Variants in TRAPPC9 observed in about 807,000 individuals in gnomAD.
TRAPPC9 encodes trafficking protein particle complex subunit 9.
TRAPPC9 carries 83 observed loss-of-function variants against 124.0 expected under a neutral mutation model. That is an observed-to-expected ratio of 0.67 (90% CI 0.56 to 0.80). TRAPPC9 has a LOEUF of 0.80. Among genes scored for constraint, TRAPPC9 ranks in the 30% least tolerant of loss-of-function variants. The pLI, the probability that TRAPPC9 is intolerant of heterozygous loss-of-function variation, is 0.00. For synonymous variants in TRAPPC9, 638 were observed against 617.5 expected, an observed-to-expected ratio of 1.03 and a Z score of -0.49; for missense variants, 1,302 against 1,508.3, an observed-to-expected ratio of 0.86 and a Z score of 2.27.
intron 16 of TRAPPC9, among the ~76,000 whole-genome samples, chr8:140,224,422 A>G (rs2063401285): frequency 6.6e-6 from 1 of 152,238 alleles, no homozygotes; most frequent in Non-Finnish European, 1.5e-5. Context: ...GAGTTCACCA[A>G]GAGAATCTGA....
chr8:139,999,260 T>C (rs889854039), intron 18 of TRAPPC9, among the ~76,000 whole-genome samples: 2 of 151,836 alleles, frequency 1.3e-5, no homozygotes, highest in African/African-American at 2.4e-5. Context: ...GGTATAGATA[T>C]GTTAAAAGTA....
At chr8:140,278,119 T>C (rs1411980968) in intron 14 of TRAPPC9, among the ~76,000 whole-genome samples, 1 of 152,000 alleles carries the variant, frequency 6.6e-6, no homozygotes, top group Non-Finnish European at 1.5e-5. Context: ...AATTTTTTTT[T>C]TTTTGAGATA....
chr8:140,457,884 G>C, upstream of TRAPPC9: 1 of 715,500 alleles, frequency 1.4e-6, no homozygotes, highest in Non-Finnish European at 1.9e-6. Context: ...GCGAGGGAGA[G>C]AAGAGGGGAC....
intron 16 of TRAPPC9, among the ~76,000 whole-genome samples, chr8:140,245,029 C>T (rs1363431936): frequency 1.3e-5 from 2 of 151,982 alleles, no homozygotes; most frequent in Admixed American, 6.6e-5. Context: ...TGGTCTCGAT[C>T]TCCTGACCCC....
At chr8:140,362,179 T>G (rs1018496412) in intron 8 of TRAPPC9, among the ~76,000 whole-genome samples, 2 of 152,220 alleles carry the variant, frequency 1.3e-5, no homozygotes, top group African/African-American at 4.8e-5. Context: ...GTTTATGTCT[T>G]ATCCATTCAA....
intron 17 of TRAPPC9, among the ~76,000 whole-genome samples, chr8:140,172,241 A>G (rs1305172591): frequency 6.6e-6 from 1 of 152,044 alleles, no homozygotes; most frequent in Non-Finnish European, 1.5e-5. Context: ...CACAGGGAGG[A>G]CTCCCCAGAG....
At chr8:139,806,339 T>C (rs749735862) in intron 21 of TRAPPC9, 2 of 152,354 alleles carry the variant, frequency 1.3e-5, no homozygotes, top group Non-Finnish European at 2.9e-5. Flanking sequence ...GGTATGTGGG[T>C]CCCGGCTGGT....
At chr8:140,107,031 G>A (rs1222521797) in intron 17 of TRAPPC9, among the ~76,000 whole-genome samples, 1 of 152,216 alleles carries the variant, frequency 6.6e-6, no homozygotes, top group Non-Finnish European at 1.5e-5. Flanking sequence ...CAGACATAGA[G>A]AGGAGATTTT....
At chr8:140,303,591 G>C in intron 10 of TRAPPC9, among the ~76,000 whole-genome samples, 1 of 152,212 alleles carries the variant, frequency 6.6e-6, no homozygotes, top group Non-Finnish European at 1.5e-5. Context: ...ATGAGATCAC[G>C]CTTGGCCACT....
chr8:140,108,566 C>A (rs1479605491), intron 17 of TRAPPC9, among the ~76,000 whole-genome samples: 1 of 152,226 alleles, frequency 6.6e-6, no homozygotes, highest in Non-Finnish European at 1.5e-5. Flanking sequence ...CCTACCCTCA[C>A]AGGCCTCCCA....
intron 2 of TRAPPC9, among the ~76,000 whole-genome samples, chr8:140,446,676 C>G (rs1164539087): frequency 6.6e-6 from 1 of 152,154 alleles, no homozygotes; most frequent in Non-Finnish European, 1.5e-5. Flanking sequence ...GCCTCAGCCT[C>G]TCAAGTAAGC....
intron 17 of TRAPPC9, chr8:140,096,427 G>A (rs1844951427): frequency 6.6e-6 from 1 of 152,238 alleles, no homozygotes; most frequent in African/African-American, 2.4e-5. Flanking sequence ...AGACAGAAAA[G>A]CTGGAAACAT....
At chr8:140,239,595 C>G (rs1276643709) in intron 16 of TRAPPC9, among the ~76,000 whole-genome samples, 1 of 152,168 alleles carries the variant, frequency 6.6e-6, no homozygotes, top group African/African-American at 2.4e-5. Context: ...CCGCATCCAC[C>G]TCCTCACGGC....
chr8:140,119,500 G>A (rs1327483005), intron 17 of TRAPPC9, among the ~76,000 whole-genome samples: 2 of 152,142 alleles, frequency 1.3e-5, no homozygotes, highest in Non-Finnish European at 2.9e-5. Flanking sequence ...TGGCTGTAAA[G>A]TGCTTTCTTC....
intron 21 of TRAPPC9, among the ~76,000 whole-genome samples, chr8:139,846,737 C>T (rs933658504): frequency 6.6e-6 from 1 of 152,180 alleles, no homozygotes; most frequent in East Asian, 1.9e-4. Context: ...ATGGAGGAGG[C>T]CCATTCCCAT....
At chr8:140,328,575 G>A (rs1055443538) in intron 9 of TRAPPC9, among the ~76,000 whole-genome samples, 16 of 152,234 alleles carry the variant, frequency 1.1e-4, no homozygotes, top group African/African-American at 3.9e-4. Context: ...TGGACTTTGG[G>A]GACTCAGGGG....
At chr8:140,356,179 T>C (rs1422886886) in intron 9 of TRAPPC9, among the ~76,000 whole-genome samples, 1 of 152,116 alleles carries the variant, frequency 6.6e-6, no homozygotes, top group Non-Finnish European at 1.5e-5. Flanking sequence ...CAACAATACA[T>C]GAATGCTATT....
At chr8:140,143,739 T>C (rs1056710112) in intron 17 of TRAPPC9, among the ~76,000 whole-genome samples, 5 of 152,240 alleles carry the variant, frequency 3.3e-5, no homozygotes, top group Non-Finnish European at 7.3e-5. Flanking sequence ...TCAAATTTTT[T>C]CATATGCATA....
In TRAPPC9 at chr8:139,776,145, G is replaced by C. The variant is rs1033891769; in HGVS notation, c.3056-43943C>G. On this transcript the variant is annotated intron_variant, in intron 21 of 22. Coordinates refer to ENST00000438773, the MANE Select transcript of TRAPPC9 (RefSeq NM_001160372.4). This position sits in a 1 kb window ranked among gnomAD's most constrained non-coding sequence, Gnocchi z 4.1. ...AGGCTGGACTCTGCCAGGACCACGT[G>C]CTAGTCATGGGGGCTTGGGACCCAG... is the stretch of plus-strand genomic sequence containing the variant. Among the ~76,000 whole-genome samples, 8 of 152,322 alleles carry C rather than the reference G, an allele frequency of 5.3e-5. No homozygotes were observed. Among genetic ancestry groups the C allele is most frequent in the African/African-American group, 1.9e-4 (8 of 41,584 alleles).
Sources: gnomAD v4.1 joint callset for allele counts (sites outside exome capture counted in the v4.1 genomes callset) on GRCh38, gnomAD v4.1.1 for gene constraint, Gnocchi (gnomAD v3.1) non-coding constraint, MANE v1.5 for transcripts, NCBI Gene and HGNC (gene_info 2026-07-23, HGNC 2026-07-21) for gene names.